PCDH9: variants seen among roughly 807,000 people sequenced by gnomAD.
PCDH9 encodes the protein protocadherin-9.
Under a neutral mutation model 70.6 loss-of-function variants are expected in PCDH9, and 24 were observed. That is an observed-to-expected ratio of 0.34 (90% CI 0.25 to 0.48). The LOEUF (loss-of-function observed/expected upper bound fraction) is 0.48. Among genes scored for constraint, PCDH9 ranks in the 20% least tolerant of loss-of-function variants. The pLI is 0.99. For synonymous variants in PCDH9, 562 were observed against 558.5 expected (o/e 1.01, Z -0.09); for missense variants, 1,281 against 1,503.6 (o/e 0.85, Z 2.45).
intron 3 of PCDH9, among the ~76,000 whole-genome samples, chr13:66,712,478 C>A (rs1040830821): frequency 1.3e-4 from 19 of 151,644 alleles, no homozygotes; most frequent in Non-Finnish European, 2.8e-4. Context: ...CCTTTAAATA[C>A]AAAAACAATT....
At chr13:66,352,615 G>A (rs1403109065) in intron 4 of PCDH9, among the ~76,000 whole-genome samples, 1 of 152,050 alleles carries the variant, frequency 6.6e-6, no homozygotes, top group Non-Finnish European at 1.5e-5. Flanking sequence ...AATCTTATCA[G>A]ATCACTTGCC....
chr13:66,720,326 GT>G (rs66600272), intron 3 of PCDH9, among the ~76,000 whole-genome samples: 23,706 of 131,820 alleles, frequency 0.18, 2,250 homozygotes, highest in African/African-American at 0.32. Context: ...TTGCTTTTTT[GT>G]TTTTTTTTTT....
chr13:66,782,313 G>A (rs1023428740), intron 3 of PCDH9, among the ~76,000 whole-genome samples: 1 of 151,976 alleles, frequency 6.6e-6, no homozygotes, highest in Admixed American at 6.6e-5. Flanking sequence ...TTTTTTCCTA[G>A]TCCAACAAAA....
chr13:66,719,441 G>T (rs554336730), intron 3 of PCDH9, among the ~76,000 whole-genome samples: 124 of 152,074 alleles, frequency 8.2e-4, no homozygotes, highest in Non-Finnish European at 1.1e-3. Context: ...ATTGAGGAGG[G>T]CTCCCTGGGC....
At chr13:67,102,043 C>G (rs2086446449) in intron 2 of PCDH9, among the ~76,000 whole-genome samples, 1 of 152,106 alleles carries the variant, frequency 6.6e-6, no homozygotes, top group Non-Finnish European at 1.5e-5. Context: ...TAAGCCTCCT[C>G]TATCATAAGC....
intron 3 of PCDH9, among the ~76,000 whole-genome samples, chr13:66,723,862 G>T (rs2078972808): frequency 6.6e-6 from 1 of 152,208 alleles, no homozygotes; most frequent in African/African-American, 2.4e-5. Flanking sequence ...CCACACAACA[G>T]TTGGACAGTT....
chr13:66,577,578 T>G (rs1180212047), intron 4 of PCDH9, among the ~76,000 whole-genome samples: 6 of 151,984 alleles, frequency 3.9e-5, no homozygotes, highest in Admixed American at 3.9e-4. Context: ...AGAAATACAC[T>G]GCATAGGATA....
chr13:66,410,927 CA>C (rs1957359091), intron 4 of PCDH9, among the ~76,000 whole-genome samples: 1 of 151,728 alleles, frequency 6.6e-6, no homozygotes, highest in South Asian at 2.1e-4. Flanking sequence ...TGATATTTTC[CA>C]AAAAAACAAC....
chr13:66,754,468 A>C (rs939170066), intron 3 of PCDH9, among the ~76,000 whole-genome samples: 3 of 152,050 alleles, frequency 2.0e-5, no homozygotes, highest in Non-Finnish European at 4.4e-5. Flanking sequence ...TGTGTGTGAC[A>C]TTGTAGGATC....
intron 4 of PCDH9, among the ~76,000 whole-genome samples, chr13:66,590,087 G>T (rs115623874): frequency 2.0e-3 from 308 of 152,110 alleles, no homozygotes; most frequent in African/African-American, 7.0e-3. Flanking sequence ...TGCACACAAA[G>T]TTTCATCATC....
intron 4 of PCDH9, among the ~76,000 whole-genome samples, chr13:66,313,312 G>A (rs184376740): frequency 3.3e-5 from 5 of 152,142 alleles, no homozygotes; most frequent in East Asian, 1.9e-4. Flanking sequence ...AGTATTTCAC[G>A]TTTTTCCTTT....
chr13:66,749,187 A>C (rs2079419335), intron 3 of PCDH9, among the ~76,000 whole-genome samples: 1 of 152,174 alleles, frequency 6.6e-6, no homozygotes, highest in African/African-American at 2.4e-5. Context: ...AGACTAATAC[A>C]TTCTCAAAAT....
At chr13:67,200,560 C>T (rs1270686697) in intron 2 of PCDH9, among the ~76,000 whole-genome samples, 1 of 151,994 alleles carries the variant, frequency 6.6e-6, no homozygotes, top group Non-Finnish European at 1.5e-5. Context: ...TACCATTTTT[C>T]AATAGCATGC....
Position 67,225,447 on chromosome 13 carries a change from G to A in PCDH9, c.2994C>T (p.Ser998=), listed in dbSNP as rs1394586254. The change falls in exon 2 of 5, where the codon TCC becomes TCT. Residue 998 remains serine, a synonymous_variant. Coordinates refer to ENST00000377865, the MANE Select transcript of PCDH9 (RefSeq NM_203487.3). ...SDHFSASECS[S]QGGFKTKGPL... ...GGCCCTTTGTCTTGAAGCCTCCTTG[G>A]GAACTGCACTCTGAGGCACTGAAGT... The A allele has an allele frequency of 6.2e-7, 1 of 1,614,062 alleles. No homozygotes were observed. The highest frequency in any genetic ancestry group is 1.1e-5 in the South Asian group (1 of 91,076).
Position 66,756,652 on chromosome 13 carries a change from T to C in PCDH9, c.3139-125241A>G, listed in dbSNP as rs182216322. On this transcript the variant is annotated intron_variant, in intron 3 of 4. Transcript: ENST00000377865. ...AGCCCCATTTCTGAGCCTCATACTT[T>C]TTTCAAAAAACATGCTTGTGTCATT... Among the ~76,000 whole-genome samples, 22 of 152,232 alleles carry C rather than the reference T, an allele frequency of 1.4e-4. No homozygotes were observed. In the East Asian group the frequency reaches 3.9e-3, roughly 27 times the overall value.
chr13:66,868,857 G>A (rs942900920), intron 3 of PCDH9, among the ~76,000 whole-genome samples: 2 of 152,018 alleles, frequency 1.3e-5, no homozygotes, highest in African/African-American at 4.8e-5. Context: ...ACTTTGCTAG[G>A]AATTGTAGTT....
intron 3 of PCDH9, among the ~76,000 whole-genome samples, chr13:66,736,002 T>C (rs1173481285): frequency 2.0e-5 from 3 of 152,054 alleles, no homozygotes; most frequent in African/African-American, 4.8e-5. Flanking sequence ...ACATGATATA[T>C]GTGAAAATAT....
intron 2 of PCDH9, among the ~76,000 whole-genome samples, chr13:67,010,821 G>C (rs979705454): frequency 2.0e-5 from 3 of 151,996 alleles, no homozygotes; most frequent in Admixed American, 2.0e-4. Flanking sequence ...ATGGGAGGTA[G>C]AAACTAGTGG....
At chr13:66,622,099 G>T (rs2077429698) in intron 4 of PCDH9, among the ~76,000 whole-genome samples, 1 of 152,238 alleles carries the variant, frequency 6.6e-6, no homozygotes, top group Non-Finnish European at 1.5e-5. Context: ...CGGGCCAGCG[G>T]CTGCAGAGTG....
Sources: allele counts gnomAD v4.1 joint callset (sites outside exome capture counted in the v4.1 genomes callset), GRCh38; gene constraint gnomAD v4.1.1; transcripts MANE v1.5; gene names NCBI Gene and HGNC (gene_info 2026-07-23, HGNC 2026-07-21).